Variants in UNC79 observed in about 807,000 individuals in gnomAD.
UNC79 encodes the protein protein unc-79 homolog.
Under a neutral mutation model 283.1 loss-of-function variants are expected in UNC79, and 37 were observed. The observed-to-expected ratio is 0.13, with a 90% CI of 0.10 to 0.17. The LOEUF (loss-of-function observed/expected upper bound fraction) is 0.17. Ranked by LOEUF, UNC79 falls within the 10% of genes least tolerant of loss-of-function variation. The probability of loss-of-function intolerance (pLI) is 1.00; values close to 1 mark genes in which losing one functional copy is unlikely to be tolerated. For missense variants in UNC79, 2,272 were observed against 3,211.1 expected, an observed-to-expected ratio of 0.71 and a Z score of 7.07; for synonymous variants, 1,107 against 1,200.2, an observed-to-expected ratio of 0.92 and a Z score of 1.61.
At chr14:93,333,495 T>G (rs1381050808) in exon 1 of UNC79, 2 of 398,600 alleles carry the variant, frequency 5.0e-6, no homozygotes, top group Non-Finnish European at 8.8e-6. Flanking sequence ...TTCCGGTGGC[T>G]GCTTCTTGGC....
intron 7 of UNC79, among the ~76,000 whole-genome samples, chr14:93,506,359 A>T (rs2059540876): frequency 6.6e-6 from 1 of 151,908 alleles, no homozygotes; most frequent in Admixed American, 6.6e-5. Context: ...AGTAGCTGGG[A>T]TTACAGGCAC....
chr14:93,411,275 C>T (rs1327958857), intron 1 of UNC79, among the ~76,000 whole-genome samples: 1 of 152,198 alleles, frequency 6.6e-6, no homozygotes, highest in African/African-American at 2.4e-5. Flanking sequence ...ATCTTAGCTG[C>T]AGTACAATAG....
intron 17 of UNC79, among the ~76,000 whole-genome samples, chr14:93,576,766 T>C (rs1000819769): frequency 6.6e-6 from 1 of 150,768 alleles, no homozygotes; most frequent in African/African-American, 2.5e-5. Context: ...CTCCCAGAGA[T>C]GTAGCACCCA....
At chr14:93,404,494 ATAT>A (rs1186467144) in intron 1 of UNC79, among the ~76,000 whole-genome samples, 10 of 63,024 alleles carry the variant, frequency 1.6e-4, no homozygotes, top group South Asian at 5.2e-4. Context: ...TCTAAAAAAA[ATAT>A]ATATATATAT....
At chr14:93,683,388 A>G (rs1209894465) in intron 42 of UNC79, among the ~76,000 whole-genome samples, 1 of 151,980 alleles carries the variant, frequency 6.6e-6, no homozygotes, top group African/African-American at 2.4e-5. Context: ...TTCACAGGCC[A>G]AGTCTAAAAG....
At chr14:93,507,100 T>G (rs1483528562) in intron 7 of UNC79, among the ~76,000 whole-genome samples, 1 of 152,232 alleles carries the variant, frequency 6.6e-6, no homozygotes, top group African/African-American at 2.4e-5. Flanking sequence ...TTTTTATTGC[T>G]AAGTATTCCA....
intron 1 of UNC79, among the ~76,000 whole-genome samples, chr14:93,423,758 C>T (rs527704590): frequency 6.6e-6 from 1 of 152,242 alleles, no homozygotes; most frequent in African/African-American, 2.4e-5. Flanking sequence ...AACAATGAAA[C>T]TACTAAAAGA....
intron 1 of UNC79, among the ~76,000 whole-genome samples, chr14:93,454,196 G>A (rs1314971819): frequency 3.3e-5 from 5 of 151,864 alleles, no homozygotes; most frequent in African/African-American, 1.2e-4. Flanking sequence ...GTATCACCAT[G>A]ACACTTGGTT....
At chr14:93,340,319 G>A (rs1267451471) in intron 1 of UNC79, among the ~76,000 whole-genome samples, 3 of 151,984 alleles carry the variant, frequency 2.0e-5, no homozygotes, top group Admixed American at 6.6e-5. Context: ...GCGGGTGCCT[G>A]TAGTCCCAGC....
intron 12 of UNC79, among the ~76,000 whole-genome samples, chr14:93,540,002 A>G (rs1595798237): frequency 6.6e-6 from 1 of 152,016 alleles, no homozygotes; most frequent in Non-Finnish European, 1.5e-5. Flanking sequence ...TATATTTTTT[A>G]TTTTCTTAGG....
intron 18 of UNC79, 47 bp downstream of exon 18, chr14:93,578,110 G>T (rs769061003): frequency 2.8e-5 from 43 of 1,559,034 alleles, no homozygotes; most frequent in South Asian, 2.2e-4. Flanking sequence ...AAGAATGAGA[G>T]AAAGCGTTGT....
Position 93,393,438 on chromosome 14 carries a change from A to G in UNC79, c.-351+59915A>G, listed in dbSNP as rs138798478. Among the ~76,000 whole-genome samples, 262 of 152,352 alleles carry G rather than the reference A, an allele frequency of 1.7e-3. 2 individuals are homozygous for G. Among genetic ancestry groups the G allele is most frequent in the African/African-American group, 6.0e-3 (249 of 41,588 alleles). ...TAAAGGTTACAGTTCTCCATAATTA[A>G]TGTAGGAAATAGGATTCCCTTCTTT... On this transcript the variant is annotated intron_variant, in intron 1 of 49. Transcript: ENST00000256339.
At chr14:93,371,933 ACTC>A (rs1256624147) in intron 1 of UNC79, among the ~76,000 whole-genome samples, 1 of 152,168 alleles carries the variant, frequency 6.6e-6, no homozygotes. Context: ...AGAGAAATAA[ACTC>A]CTATAACCTC....
intron 1 of UNC79, among the ~76,000 whole-genome samples, chr14:93,414,167 C>T (rs1354122010): frequency 6.6e-6 from 1 of 151,556 alleles, no homozygotes; most frequent in Admixed American, 6.6e-5. Flanking sequence ...TTAGGTCTAA[C>T]GTTTAAGTCT....
chr14:93,507,354 A>C (rs1300678836), intron 7 of UNC79, among the ~76,000 whole-genome samples: 1 of 152,206 alleles, frequency 6.6e-6, no homozygotes, highest in East Asian at 1.9e-4. Flanking sequence ...CCAACAATTT[A>C]TGAGAGTTTC....
At position 93,474,288 on chromosome 14, in the gene UNC79, C is replaced by T. The variant is rs758747357; in HGVS notation, c.343C>T (p.Arg115Cys). The change falls in exon 3 of 49, where the codon CGT (arginine) becomes TGT (cysteine). Residue 115 changes from arginine to cysteine, a missense_variant. Physicochemically the swap from Arg to Cys is radical, Grantham distance 180. Coordinates refer to ENST00000555664, the Ensembl canonical transcript of UNC79. This position sits in a 1 kb window ranked among gnomAD's most constrained non-coding sequence, Gnocchi z 4.1. ...TCCCTCAGAACGCGGCCCGCAAAGT[C>T]GTGATGCTCAGTTGTCAGACTACCC... The T allele has an allele frequency of 2.3e-5, 35 of 1,535,942 alleles. No homozygotes were observed. The highest frequency in any genetic ancestry group is 2.6e-5 in the Non-Finnish European group (30 of 1,146,876).
At chr14:93,602,887 C>T (rs1291181984) in intron 25 of UNC79, among the ~76,000 whole-genome samples, 1 of 152,140 alleles carries the variant, frequency 6.6e-6, no homozygotes, top group Non-Finnish European at 1.5e-5. Flanking sequence ...GGGATCCTCC[C>T]ACCATGGCCT....
At chr14:93,395,642 A>T (rs948417871) in intron 1 of UNC79, among the ~76,000 whole-genome samples, 11 of 152,186 alleles carry the variant, frequency 7.2e-5, no homozygotes, top group African/African-American at 2.4e-4. Flanking sequence ...AAACCATATC[A>T]ATAGTTTTGC....
At chr14:93,554,203 C>G (rs919796596) in intron 14 of UNC79, among the ~76,000 whole-genome samples, 3 of 152,040 alleles carry the variant, frequency 2.0e-5, no homozygotes, top group African/African-American at 7.3e-5. Context: ...CAAAAATTAG[C>G]TGTGTGTGGT....
Sources: allele counts gnomAD v4.1 joint callset (sites outside exome capture counted in the v4.1 genomes callset), GRCh38; gene constraint gnomAD v4.1.1; non-coding constraint Gnocchi (gnomAD v3.1); transcripts MANE v1.5; gene names NCBI Gene and HGNC (gene_info 2026-07-23, HGNC 2026-07-21).